MAP6: variants seen among roughly 807,000 people sequenced by gnomAD.
MAP6 encodes the protein microtubule associated protein 6.
Under a neutral mutation model 42.4 loss-of-function variants are expected in MAP6, and 26 were observed. That is an observed-to-expected ratio of 0.61 (90% CI 0.45 to 0.85). The LOEUF is 0.85. MAP6 is among the 40% of genes least tolerant of loss of function. The pLI is 0.00. For missense variants in MAP6, 966 were observed against 1,099.0 expected (o/e 0.88, Z 1.71); for synonymous variants, 418 against 443.8 (o/e 0.94, Z 0.73).
intron 1 of MAP6, among the ~76,000 whole-genome samples, chr11:75,646,906 T>C (rs1194053880): frequency 6.6e-6 from 1 of 152,182 alleles, no homozygotes; most frequent in Admixed American, 6.5e-5. Flanking sequence ...AATTGAGGAT[T>C]TATAAAGCAA....
At chr11:75,605,510 A>G in intron 3 of MAP6, 3 of 1,181,294 alleles carry the variant, frequency 2.5e-6, no homozygotes, top group Non-Finnish European at 3.2e-6. Context: ...CGCCTCTCAG[A>G]CCTGCCTGCC....
Position 75,667,968 on chromosome 11 carries a change from C to T in MAP6, c.402G>A (p.Glu134=), listed in dbSNP as rs1204005210. 2.9e-5 allele frequency: 38 copies of T among 1,325,270 alleles called. No homozygotes were observed. Among genetic ancestry groups the T allele is most frequent in the Non-Finnish European group, 3.7e-5 (38 of 1,032,292 alleles). The allele number at this position is 1,325,270 out of a possible 1,614,324, so 82.1% of individuals were successfully genotyped here. The stretch of plus-strand genomic sequence containing the variant: ...ATTCGCTGCGCGGCCGGCAGCTGGG[C>T]TCGGGCCGCTGCACCTTCCAGGCTC... ...DYRAWKVQRP[E]PSCRPRSEYQ... is the part of the protein sequence containing the mutation. Residue 134 remains glutamate, a synonymous_variant, in exon 1 of 4, where the codon GAG becomes GAA. Coordinates refer to ENST00000304771, the MANE Select transcript of MAP6 (RefSeq NM_033063.2). This position sits in a 1 kb window ranked among gnomAD's most constrained non-coding sequence, Gnocchi z 5.6.
intron 1 of MAP6, among the ~76,000 whole-genome samples, chr11:75,659,453 G>A (rs1943806227): frequency 6.6e-6 from 1 of 152,224 alleles, no homozygotes; most frequent in Non-Finnish European, 1.5e-5. Context: ...CTGTACTCCA[G>A]CCTGGGCGAT....
At position 75,586,930 on chromosome 11, in the gene MAP6, A is replaced by G. The variant is rs1287426734; in HGVS notation, c.*129T>C. On this transcript the variant is annotated 3_prime_UTR_variant, in exon 4 of 4. Coordinates refer to ENST00000304771, the MANE Select transcript of MAP6 (RefSeq NM_033063.2). Reference sequence around the variant, plus strand: ...AGAGAAACATTGCTGAGCCAGAGGGACCATTTTTATTAGATTCCAGCAAGA... The same window carrying G: ...AGAGAAACATTGCTGAGCCAGAGGGGCCATTTTTATTAGATTCCAGCAAGA... 9.6e-7 allele frequency: 1 copy of G among 1,043,328 alleles called. No individual in the cohort carries two copies. Among genetic ancestry groups the G allele is most frequent in the East Asian group, 2.5e-5 (1 of 39,902 alleles). The allele number at this position is 1,043,328 out of a possible 1,614,324, so 64.6% of individuals were successfully genotyped here. A position where few individuals can be genotyped will look rare whatever the true frequency, so the allele number is the denominator to read the frequency against.
Position 75,591,022 on chromosome 11 carries a change from G to A in MAP6, c.1317-2838C>T, listed in dbSNP as rs189056222. Among the ~76,000 whole-genome samples, 882 of 152,118 alleles carry A rather than the reference G, an allele frequency of 5.8e-3. 9 individuals are homozygous for A. The highest frequency in any genetic ancestry group is 0.02 in the African/African-American group (847 of 41,514). Reference sequence around the variant, plus strand: ...AAAATGTGCATAGATTTAGTTCAAAGGTATTTGTAATGTTTAAGATAATTT... The same window carrying A: ...AAAATGTGCATAGATTTAGTTCAAAAGTATTTGTAATGTTTAAGATAATTT... On this transcript the variant is annotated intron_variant, in intron 3 of 3. Coordinates refer to ENST00000304771, the MANE Select transcript of MAP6 (RefSeq NM_033063.2).
At chr11:75,624,202 C>T (rs1356526705) in intron 1 of MAP6, among the ~76,000 whole-genome samples, 1 of 152,206 alleles carries the variant, frequency 6.6e-6, no homozygotes, top group Non-Finnish European at 1.5e-5. Flanking sequence ...AAATGTGAGA[C>T]TTGTTTTTCA....
rs749176700 is a variant in MAP6, at chr11:75,608,335, G to C, written c.906-13C>G. 1.2e-5 allele frequency: 19 copies of C among 1,608,722 alleles called. No homozygotes were observed. The highest frequency in any genetic ancestry group is 1.2e-4 in the Admixed American group (7 of 59,986). On this transcript the variant is annotated splice_polypyrimidine_tract_variant and intron_variant, in intron 1 of 3. Coordinates refer to ENST00000304771, the MANE Select transcript of MAP6 (RefSeq NM_033063.2). ...CCTGAATTCATTCCTGTTAGTCAAA[G>C]AAAGCATATGTGATATGAAGCATCA...
chr11:75,644,606 T>C (rs1379597797), intron 1 of MAP6, among the ~76,000 whole-genome samples: 2 of 152,194 alleles, frequency 1.3e-5, no homozygotes, highest in Non-Finnish European at 2.9e-5. Flanking sequence ...AGTTTACCAG[T>C]ACACAGTATT....
chr11:75,641,190 T>C (rs1943463810), intron 1 of MAP6, among the ~76,000 whole-genome samples: 1 of 151,872 alleles, frequency 6.6e-6, no homozygotes, highest in African/African-American at 2.4e-5. Flanking sequence ...TGTAGGGACA[T>C]GGATGAAGCT....
intron 1 of MAP6, among the ~76,000 whole-genome samples, chr11:75,657,257 C>T (rs1943767194): frequency 6.6e-6 from 1 of 152,032 alleles, no homozygotes; most frequent in South Asian, 2.1e-4. Context: ...ACTACAGGCG[C>T]CCACCACCAC....
rs1204604156 is a variant in MAP6, at chr11:75,668,539, G to A, written c.-170C>T. 1 of 955,682 alleles carries A rather than the reference G, an allele frequency of 1.0e-6. No homozygotes were observed. Among genetic ancestry groups the A allele is most frequent in the African/African-American group, 1.7e-5 (1 of 58,062 alleles). 59.2% of individuals were successfully genotyped at this position (955,682 alleles called of 1,614,324 possible). ...CTCCCTCAGCGAGCACCCGGGGAGA[G>A]CTGTCCTAGGAGAGTCTGTAGAGTC... On this transcript the variant is annotated 5_prime_UTR_variant, in exon 1 of 4. Transcript: ENST00000304771.
intron 3 of MAP6, among the ~76,000 whole-genome samples, chr11:75,592,210 G>GC: frequency 6.6e-6 from 1 of 152,078 alleles, no homozygotes; most frequent in Non-Finnish European, 1.5e-5. Flanking sequence ...CTCCAGATTA[G>GC]TTTCGTTTGC....
chr11:75,642,936 T>TA (rs1011481418), intron 1 of MAP6: 46 of 454,412 alleles, frequency 1.0e-4, no homozygotes, highest in Middle Eastern at 7.8e-4. Context: ...ATGTTCTGGT[T>TA]AAAAAAAATT....
At chr11:75,656,128 C>G (rs1034383446) in intron 1 of MAP6, among the ~76,000 whole-genome samples, 1 of 152,148 alleles carries the variant, frequency 6.6e-6, no homozygotes, top group African/African-American at 2.4e-5. Context: ...TCCTTAAGGG[C>G]TAGGAGGCTT....
At chr11:75,629,895 A>G (rs938800373) in intron 1 of MAP6, among the ~76,000 whole-genome samples, 11 of 152,206 alleles carry the variant, frequency 7.2e-5, no homozygotes, top group African/African-American at 2.4e-4. Context: ...ACAGAGGAAC[A>G]AAAGTCTCGG....
intron 3 of MAP6, chr11:75,604,141 A>G: frequency 4.1e-6 from 4 of 985,874 alleles, no homozygotes; most frequent in Non-Finnish European, 4.8e-6. Context: ...CCTGAGATAG[A>G]AAGGAAGGTC....
chr11:75,587,144 T>G lies in MAP6; in HGVS notation c.2357A>C (p.Asp786Ala). Residue 786 changes from aspartate (D) to alanine (A), a missense_variant, in exon 4 of 4, where the codon GAC becomes GCC. Physicochemically the swap from Asp to Ala is moderately radical, Grantham distance 126. Around this residue, in one of 2 missense-constraint regions of MAP6, gnomAD observed 943 missense variants for 1,049.9 expected, o/e 0.90. Coordinates refer to ENST00000304771, the MANE Select transcript of MAP6 (RefSeq NM_033063.2). Reference protein sequence around the residue: ...PEPLKTQGPRDPQLPTVSPLP... With the variant: ...PEPLKTQGPRAPQLPTVSPLP... The stretch of plus-strand genomic sequence containing the variant: ...AGGTGAGACAGTAGGTAGCTGAGGG[T>G]CCCTGGGACCTTGAGTCTTCAGAGG... 1 of 1,613,262 alleles carries G rather than the reference T, an allele frequency of 6.2e-7. No individual in the cohort carries two copies.
intron 1 of MAP6, among the ~76,000 whole-genome samples, chr11:75,652,368 C>T (rs1943661802): frequency 6.6e-6 from 1 of 152,192 alleles, no homozygotes; most frequent in African/African-American, 2.4e-5. Flanking sequence ...GTCTAGCTCT[C>T]CATGCCCCAG....
At chr11:75,612,647 C>T (rs1234317217) in intron 1 of MAP6, among the ~76,000 whole-genome samples, 1 of 152,080 alleles carries the variant, frequency 6.6e-6, no homozygotes, top group African/African-American at 2.4e-5. Flanking sequence ...GAGCTGGGGC[C>T]AGGTGACACA....
Sources: allele counts gnomAD v4.1 joint callset (sites outside exome capture counted in the v4.1 genomes callset), GRCh38; gene constraint gnomAD v4.1.1; regional missense constraint gnomAD v4.1.1; non-coding constraint Gnocchi (gnomAD v3.1); transcripts MANE v1.5; gene names NCBI Gene and HGNC (gene_info 2026-07-23, HGNC 2026-07-21).